The following TCF12 variants were observed in gnomAD, a reference collection of about 807,000 sequenced individuals.
The protein encoded by TCF12 is transcription factor 12.
A neutral mutation model predicts 86.0 loss-of-function variants in TCF12; 45 were observed. The observed-to-expected ratio is 0.52, with a 90% CI of 0.41 to 0.67. TCF12 has a LOEUF of 0.67. TCF12 is among the 30% of genes least tolerant of loss of function. TCF12 has a pLI of 0.00. For missense variants in TCF12, 881 were observed against 859.9 expected, an observed-to-expected ratio of 1.02 and a Z score of -0.31; for synonymous variants, 330 against 299.6, an observed-to-expected ratio of 1.10 and a Z score of -1.05.
chr15:57,052,713 G>T (rs2067724658), intron 3 of TCF12, among the ~76,000 whole-genome samples: 1 of 151,720 alleles, frequency 6.6e-6, no homozygotes, highest in South Asian at 2.1e-4. Context: ...AAGTAACAGT[G>T]TCATGTTATT....
intron 3 of TCF12, among the ~76,000 whole-genome samples, chr15:56,954,363 C>T (rs1241133930): frequency 6.6e-6 from 1 of 152,102 alleles, no homozygotes; most frequent in Non-Finnish European, 1.5e-5. Flanking sequence ...AACTGGCTAG[C>T]CATATGTAGA....
Position 56,956,169 on chromosome 15 carries a change from ATCTAG to A in TCF12, c.148+35076_148+35080del, listed in dbSNP as rs1348766787. 1.5e-3 allele frequency among the ~76,000 whole-genome samples: 230 copies of A among 151,702 alleles called. 1 individual carries two copies. The highest frequency in any genetic ancestry group is 2.4e-4 in the African/African-American group (10 of 41,398). On this transcript the variant is annotated intron_variant, in intron 3 of 20. Coordinates refer to ENST00000333725, the MANE Select transcript of TCF12 (RefSeq NM_207037.2). ...CATATAATTGGGTTCTGCGTTTTTTATCTAGTCTAAAGTCTTTGCTTTTAATTTGG... is the reference window on the plus strand; with the variant it reads ...CATATAATTGGGTTCTGCGTTTTTTATCTAAAGTCTTTGCTTTTAATTTGG...
chr15:57,016,264 G>A (rs1188101321), intron 3 of TCF12, among the ~76,000 whole-genome samples: 1 of 152,204 alleles, frequency 6.6e-6, no homozygotes, highest in Non-Finnish European at 1.5e-5. Flanking sequence ...AATTGCCTGG[G>A]ACTTCTTCAT....
At chr15:57,001,013 T>A (rs12324860) in intron 3 of TCF12, among the ~76,000 whole-genome samples, 19,761 of 65,780 alleles carry the variant, frequency 0.3, 1,370 homozygotes, top group Non-Finnish European at 0.45. Flanking sequence ...TTAAAAAAAA[T>A]TTTTTTTTTT....
chr15:57,253,162 A>G, intron 15 of TCF12, 100 bp from the exon 16 acceptor site: 2 of 1,318,684 alleles, frequency 1.5e-6, no homozygotes, highest in Non-Finnish European at 2.1e-6. Context: ...ACTGCATTTC[A>G]CTTGCTATCT....
intron 5 of TCF12, among the ~76,000 whole-genome samples, chr15:57,152,716 A>G (rs1267326198): frequency 6.6e-6 from 1 of 152,206 alleles, no homozygotes; most frequent in African/African-American, 2.4e-5. Flanking sequence ...TAATATGTGT[A>G]TGCTTAAAGT....
chr15:57,288,704 A>G lies in TCF12; in HGVS notation c.*2559A>G, dbSNP rs951910901. ...TGGCAATCTGGTCTAGAGCTTCTCT[A>G]GCTTGTGCTTTTCTCCTCTTGCCCT... On this transcript the variant is annotated 3_prime_UTR_variant, in exon 21 of 21. Transcript: ENST00000333725. The G allele has an allele frequency of 1.3e-5, 2 of 152,212 alleles. No individual in the cohort carries two copies. The highest frequency in any genetic ancestry group is 2.9e-5 in the Non-Finnish European group (2 of 68,044). 9.4% of individuals were successfully genotyped at this position (152,212 alleles called of 1,614,324 possible).
At chr15:57,253,549 G>T in intron 16 of TCF12, 81 bp downstream of exon 16, 1 of 1,511,158 alleles carries the variant, frequency 6.6e-7, no homozygotes. Context: ...TTGGGAAGAG[G>T]ATCTTTCTGA....
At chr15:57,252,393 G>C in intron 14 of TCF12, 28 bp from the exon 15 acceptor site, 1 of 1,596,728 alleles carries the variant, frequency 6.3e-7, no homozygotes. Flanking sequence ...CCTGTGCTTT[G>C]CCTCCTGTTC....
At chr15:57,021,599 A>G (rs938690037) in intron 3 of TCF12, among the ~76,000 whole-genome samples, 7 of 152,202 alleles carry the variant, frequency 4.6e-5, no homozygotes, top group African/African-American at 7.2e-5. Flanking sequence ...CAAGGATAAA[A>G]TGTTCTTTAC....
At chr15:57,104,475 T>C (rs1250683491) in intron 5 of TCF12, among the ~76,000 whole-genome samples, 2 of 149,508 alleles carry the variant, frequency 1.3e-5, no homozygotes, top group Non-Finnish European at 3.0e-5. Context: ...GGAGTCTTTT[T>C]CTGTTGCCCA....
chr15:56,978,412 G>A (rs1274805766), intron 3 of TCF12, among the ~76,000 whole-genome samples: 9 of 152,098 alleles, frequency 5.9e-5, no homozygotes, highest in Non-Finnish European at 8.8e-5. Context: ...ATGAAGTTCA[G>A]AGTTAGTGAA....
intron 18 of TCF12, among the ~76,000 whole-genome samples, chr15:57,269,026 G>C (rs60613401): frequency 6.6e-6 from 1 of 152,288 alleles, no homozygotes; most frequent in Non-Finnish European, 1.5e-5. Flanking sequence ...GAGTTCTGTA[G>C]ATGACTGTTA....
chr15:57,181,809 G>T (rs2056370816), intron 6 of TCF12, among the ~76,000 whole-genome samples: 2 of 152,102 alleles, frequency 1.3e-5, no homozygotes, highest in South Asian at 4.1e-4. Context: ...ACTTATTGTA[G>T]ATTTTATCCC....
chr15:57,281,074 T>C (rs2061662213), intron 19 of TCF12, among the ~76,000 whole-genome samples: 1 of 151,380 alleles, frequency 6.6e-6, no homozygotes, highest in Non-Finnish European at 1.5e-5. Context: ...GGATATTCTT[T>C]CCCTTTATTT....
At chr15:57,092,144 T>A (rs1047049274) in intron 5 of TCF12, 11 of 343,060 alleles carry the variant, frequency 3.2e-5, no homozygotes, top group Middle Eastern at 8.5e-4. Context: ...GTTTTGGCAA[T>A]GTCTTTGTGA....
intron 16 of TCF12, among the ~76,000 whole-genome samples, chr15:57,254,355 A>G (rs1416300135): frequency 2.0e-5 from 3 of 152,128 alleles, no homozygotes; most frequent in South Asian, 2.1e-4. Context: ...TCTTACACAT[A>G]CATACACTCA....
chr15:57,007,755 C>CTTTCTTTCTTTCTTTCT (rs774505040), intron 3 of TCF12, among the ~76,000 whole-genome samples: 1 of 83,864 alleles, frequency 1.2e-5, no homozygotes, highest in Non-Finnish European at 2.6e-5. Flanking sequence ...AATATTTTTC[C>CTTTCTTTCTTTCTTTCT]TTCTTTCTTT....
chr15:57,045,771 G>C (rs2951906), intron 3 of TCF12, among the ~76,000 whole-genome samples: 86,586 of 151,934 alleles, frequency 0.57, 24,910 homozygotes, highest in Admixed American at 0.61. Context: ...TTCTCAAACT[G>C]CTGGACCCAA....
Sources: gnomAD v4.1 joint callset for allele counts (sites outside exome capture counted in the v4.1 genomes callset) on GRCh38, gnomAD v4.1.1 for gene constraint, MANE v1.5 for transcripts, NCBI Gene and HGNC (gene_info 2026-07-23, HGNC 2026-07-21) for gene names.